Variants in SGSM2 observed in about 807,000 individuals in gnomAD.
SGSM2 encodes RUN and TBC1 domain containing 1.
Under a neutral mutation model 126.6 loss-of-function variants are expected in SGSM2, and 89 were observed. The observed-to-expected ratio is 0.70, with a 90% CI of 0.59 to 0.84. SGSM2 has a LOEUF of 0.84. Among genes scored for constraint, SGSM2 ranks in the 40% least tolerant of loss-of-function variants. SGSM2 has a pLI of 0.00. For missense variants in SGSM2, 1,404 were observed against 1,416.6 expected (o/e 0.99, Z 0.14); for synonymous variants, 614 against 574.3 (o/e 1.07, Z -0.99).
intron 2 of SGSM2, among the ~76,000 whole-genome samples, chr17:2,359,173 A>C (rs754920077): frequency 6.6e-6 from 1 of 152,158 alleles, no homozygotes; most frequent in Non-Finnish European, 1.5e-5. Context: ...CACGGCGCCC[A>C]GACCCAGGGA....
At chr17:2,340,214 A>T (rs1224941057) in intron 1 of SGSM2, among the ~76,000 whole-genome samples, 1 of 151,826 alleles carries the variant, frequency 6.6e-6, no homozygotes, top group Non-Finnish European at 1.5e-5. Context: ...TCCTGGGTTC[A>T]AGCGATTTCC....
At chr17:2,369,863 G>T (rs1223325759) in intron 12 of SGSM2, among the ~76,000 whole-genome samples, 1 of 152,096 alleles carries the variant, frequency 6.6e-6, no homozygotes, top group Admixed American at 6.5e-5. Context: ...AGAGTCTCAG[G>T]CATGGCTTGC....
At chr17:2,360,056 A>G (rs1469168622) in intron 2 of SGSM2, among the ~76,000 whole-genome samples, 2 of 152,126 alleles carry the variant, frequency 1.3e-5, no homozygotes, top group Admixed American at 1.3e-4. Flanking sequence ...AGATTTCCCC[A>G]TGTGGGCCGG....
chr17:2,342,572 C>G (rs530141011), intron 1 of SGSM2, among the ~76,000 whole-genome samples: 2 of 152,168 alleles, frequency 1.3e-5, no homozygotes, highest in African/African-American at 4.8e-5. Flanking sequence ...GCTCTAGTTG[C>G]TGATTTCACA....
In SGSM2 at chr17:2,369,563, C is replaced by CA. The variant is rs546934639; in HGVS notation, c.1424-1698dup. 2.6e-5 allele frequency among the ~76,000 whole-genome samples: 4 copies of CA among 152,292 alleles called. No individual in the cohort carries two copies. The South Asian group carries it at 8.3e-4, about 32-fold the overall frequency. On this transcript the variant is annotated intron_variant, in intron 12 of 23. Coordinates refer to ENST00000268989, the MANE Select transcript of SGSM2 (RefSeq NM_014853.3). ...TATCTGCACTGGGCTCGCTCAGAGA[C>CA]AGTGTTCGAATGTGGCTGGTTCAGC...
In SGSM2 at chr17:2,375,732, G is replaced by C. The variant is rs370950981; in HGVS notation, c.2341G>C (p.Gly781Arg). The change falls in exon 18 of 24, where the codon GGC (glycine) becomes CGC (arginine). Residue 781 changes from glycine (G) to arginine (R), a missense_variant. Coordinates refer to ENST00000268989, the MANE Select transcript of SGSM2 (RefSeq NM_014853.3). ...GQSVGFEEED[G>R]GGEEGSSGPG... ...GAGCGTGGGCTTCGAAGAGGAGGAC[G>C]GCGGTGGGGAGGAAGGCTCCAGTGG... 8 of 1,608,724 alleles carry C rather than the reference G, an allele frequency of 5.0e-6. No homozygotes were observed. The highest frequency in any genetic ancestry group is 2.7e-5 in the African/African-American group (2 of 74,818).
chr17:2,365,743 CTTT>C (rs946989393), intron 11 of SGSM2, among the ~76,000 whole-genome samples: 2 of 129,508 alleles, frequency 1.5e-5, no homozygotes, highest in Non-Finnish European at 3.3e-5. Context: ...ACCAGCGCTA[CTTT>C]TTTTTTTTTT....
At chr17:2,371,204 G>A in intron 12 of SGSM2, 58 bp from the exon 13 acceptor site, 3 of 1,549,674 alleles carry the variant, frequency 1.9e-6, no homozygotes, top group East Asian at 2.4e-5. Context: ...GCATGGTGCA[G>A]GGTGCCTGGG....
Position 2,372,667 on chromosome 17 carries a change from T to C in SGSM2, c.1788+179T>C, listed in dbSNP as rs1374771430. ...CCTGGGGCTGACACGGGAAGGGGGC[T>C]GGACTGGGAAGCCGTCCTGCCTCCA... On this transcript the variant is annotated intron_variant, in intron 15 of 23. Transcript: ENST00000268989. The surrounding 1 kb of genome is among the most constrained non-coding windows in gnomAD (Gnocchi z 6.0). The C allele has an allele frequency of 1.3e-5, 12 of 958,092 alleles. No homozygotes were observed. Among genetic ancestry groups the C allele is most frequent in the Non-Finnish European group, 1.7e-5 (11 of 638,172 alleles). The allele number at this position is 958,092 out of a possible 1,614,324, so 59.3% of individuals were successfully genotyped here.
chr17:2,373,036 G>T lies in SGSM2; in HGVS notation c.1872G>T (p.Leu624=), dbSNP rs562844653. 3 of 1,607,918 alleles carry T rather than the reference G, an allele frequency of 1.9e-6. No homozygotes were observed. In the South Asian group the frequency reaches 3.3e-5, roughly 18 times the overall value. Residue 624 remains leucine (L), a synonymous_variant, in exon 16 of 24, where the codon CTG becomes CTT. Transcript: ENST00000268989. ...TCCGCAAGGACGTCTGGCCCTTTCT[G>T]CTTGGCCACTACAAGTTCGGCATGA... ...HEIRKDVWPF[L]LGHYKFGMSK...
Position 2,373,501 on chromosome 17 carries a change from C to T in SGSM2, c.2088C>T (p.Thr696=). ...AGCGCCTCATCCACCGAGACTCCACCATCAGCAACGATGTGAGCCAGACGG... is the reference window on the plus strand; with the variant it reads ...AGCGCCTCATCCACCGAGACTCCACTATCAGCAACGATGTGAGCCAGACGG... ...HVQRLIHRDS[T]ISNDVFISVD... Residue 696 remains threonine, a synonymous_variant, in exon 17 of 24, where the codon ACC becomes ACT. Coordinates refer to ENST00000268989, the MANE Select transcript of SGSM2 (RefSeq NM_014853.3). 1 of 1,603,122 alleles carries T rather than the reference C, an allele frequency of 6.2e-7. No individual in the cohort carries two copies. The highest frequency in any genetic ancestry group is 8.5e-7 in the Non-Finnish European group (1 of 1,178,908).
At chr17:2,376,662 A>G (rs1468159053) in intron 19 of SGSM2, 71 bp from the exon 20 acceptor site, 6 of 1,527,992 alleles carry the variant, frequency 3.9e-6, no homozygotes, top group Non-Finnish European at 5.4e-6. Flanking sequence ...GCTCTGGAGG[A>G]CGTCTTCCCA....
Position 2,372,287 on chromosome 17 carries a change from TG to T in SGSM2, c.1642+38del, listed in dbSNP as rs2065907791. ...TGGGGCGCGCCGGGCTGTGGCGGGC[TG>T]GGGGCGGGCGGCCCTGGGTCCCAGC... On this transcript the variant is annotated intron_variant, in intron 14 of 23. Coordinates refer to ENST00000268989, the MANE Select transcript of SGSM2 (RefSeq NM_014853.3). The surrounding 1 kb of genome is among the most constrained non-coding windows in gnomAD (Gnocchi z 6.0). 1 of 1,611,380 alleles carries T rather than the reference TG, an allele frequency of 6.2e-7. No homozygotes were observed. Among genetic ancestry groups the T allele is most frequent in the Non-Finnish European group, 8.5e-7 (1 of 1,179,010 alleles).
intron 2 of SGSM2, among the ~76,000 whole-genome samples, chr17:2,353,720 G>A (rs1045178786): frequency 6.6e-6 from 1 of 151,934 alleles, no homozygotes; most frequent in African/African-American, 2.4e-5. Flanking sequence ...AACAGAGATT[G>A]TGCCCACTGC....
chr17:2,365,743 CT>C lies in SGSM2; in HGVS notation c.1288+423del, dbSNP rs946989393. On this transcript the variant is annotated intron_variant, in intron 11 of 23. Coordinates refer to ENST00000268989, the MANE Select transcript of SGSM2 (RefSeq NM_014853.3). ...CAGCCTGGGTATGGGACCAGCGCTA[CT>C]TTTTTTTTTTTTTTTTTTTTGAGAC... Among the ~76,000 whole-genome samples, 368 of 129,514 alleles carry C rather than the reference CT, an allele frequency of 2.8e-3. 1 individual carries two copies. The highest frequency in any genetic ancestry group is 7.8e-3 in the African/African-American group (258 of 33,078). The allele number at this position is 129,514 out of a possible 152,430, so 85.0% of individuals were successfully genotyped here. A position where few individuals can be genotyped will look rare whatever the true frequency, so the allele number is the denominator to read the frequency against.
chr17:2,359,684 C>T (rs561086333), intron 2 of SGSM2, among the ~76,000 whole-genome samples: 6 of 152,264 alleles, frequency 3.9e-5, no homozygotes, highest in Non-Finnish European at 7.4e-5. Flanking sequence ...GTGCTGGGGC[C>T]GGCCACTCCC....
rs571802277 is a variant in SGSM2, at chr17:2,350,652, G to A, written c.133+7032G>A. ...AAAAAAACAAGACATAAGAAATGGT[G>A]CAGGGGCAGCACTCCAGCCTCCAGC... is the stretch of plus-strand genomic sequence containing the variant. On this transcript the variant is annotated intron_variant, in intron 2 of 23. Coordinates refer to ENST00000268989, the MANE Select transcript of SGSM2 (RefSeq NM_014853.3). Among the ~76,000 whole-genome samples, 15 of 152,132 alleles carry A rather than the reference G, an allele frequency of 9.9e-5. No individual in the cohort carries two copies. In the South Asian group the frequency reaches 2.7e-3, roughly 27 times the overall value.
chr17:2,365,645 G>A (rs905598401), intron 11 of SGSM2, among the ~76,000 whole-genome samples: 12 of 152,036 alleles, frequency 7.9e-5, no homozygotes, highest in African/African-American at 1.9e-4. Flanking sequence ...GGTAAAACAC[G>A]TGGAGAAACG....
At chr17:2,369,672 T>C (rs990567701) in intron 12 of SGSM2, among the ~76,000 whole-genome samples, 1 of 152,060 alleles carries the variant, frequency 6.6e-6, no homozygotes, top group Non-Finnish European at 1.5e-5. Flanking sequence ...TTGGTTCCCT[T>C]TGCCCACCCC....
Sources: allele counts gnomAD v4.1 joint callset (sites outside exome capture counted in the v4.1 genomes callset), GRCh38; gene constraint gnomAD v4.1.1; non-coding constraint Gnocchi (gnomAD v3.1); transcripts MANE v1.5; gene names NCBI Gene and HGNC (gene_info 2026-07-23, HGNC 2026-07-21).